Variants in PSG1 observed in about 807,000 individuals in gnomAD.
PSG1 encodes the protein pregnancy-specific beta-1-glycoprotein 1.
PSG1 carries 60 observed loss-of-function variants against 41.4 expected under a neutral mutation model. That is an observed-to-expected ratio of 1.45 (90% confidence interval 1.18 to 1.80). The LOEUF is 1.80. Ranked by LOEUF, PSG1 falls within the 40% of genes most tolerant of loss-of-function variation. The probability of loss-of-function intolerance (pLI) is 0.00; values close to 1 mark genes in which losing one functional copy is unlikely to be tolerated. For synonymous variants in PSG1, 256 were observed against 192.9 expected, an observed-to-expected ratio of 1.33 and a Z score of -2.71; for missense variants, 806 against 516.9, an observed-to-expected ratio of 1.56 and a Z score of -5.42.
intron 4 of PSG1, 51 bp downstream of exon 4, chr19:42,868,705 G>T (rs10413496): frequency 0.14 from 229,055 of 1,602,874 alleles, 26,473 homozygotes; most frequent in East Asian, 0.42. Context: ...GCATCTGGTG[G>T]TTTGGATTTA....
chr19:42,870,197 C>G (rs1349081273), intron 3 of PSG1: 1 of 151,764 alleles, frequency 6.6e-6, no homozygotes, highest in African/African-American at 2.4e-5. Flanking sequence ...TTGAGTATTT[C>G]TTATGCATAA....
chr19:42,878,727 C>G (rs1227872984), intron 1 of PSG1, among the ~76,000 whole-genome samples: 1 of 149,700 alleles, frequency 6.7e-6, no homozygotes, highest in African/African-American at 2.5e-5. Context: ...ACCTCACATT[C>G]TAGATCTCTT....
intron 3 of PSG1, 41 bp downstream of exon 3, chr19:42,871,726 G>C: frequency 1.2e-6 from 2 of 1,612,586 alleles, no homozygotes; most frequent in Non-Finnish European, 1.7e-6. Flanking sequence ...ACGTGTATTT[G>C]GGATGGCAGC....
intron 2 of PSG1, among the ~76,000 whole-genome samples, chr19:42,875,233 T>C (rs1237207375): frequency 3.3e-5 from 5 of 151,782 alleles, no homozygotes; most frequent in African/African-American, 1.2e-4. Flanking sequence ...TGGTTTAAAC[T>C]TGAAGCAAGA....
intron 3 of PSG1, among the ~76,000 whole-genome samples, chr19:42,871,288 G>T (rs1027191260): frequency 2.6e-5 from 4 of 151,704 alleles, no homozygotes; most frequent in Non-Finnish European, 5.9e-5. Context: ...AGTCTGTGAG[G>T]CAGGAGAGCT....
rs1439123858 is a variant in PSG1 at position 42,878,196 on chromosome 19, C to T, written c.147G>A (p.Lys49=). Reference sequence around the variant, plus strand: ...AATTGTGGACAAGTAGAAGAACATCCTTCCCCTCGGAAACTTTGGTTGGCT... The same window carrying T: ...AATTGTGGACAAGTAGAAGAACATCTTTCCCCTCGGAAACTTTGGTTGGCT... ...EAEPTKVSEG[K]DVLLLVHNLP... The change falls in exon 2 of 6, where the codon AAG becomes AAA. Residue 49 remains lysine (K), a synonymous_variant. Coordinates refer to ENST00000436291, the MANE Select transcript of PSG1 (RefSeq NM_001184825.2). The T allele has an allele frequency of 3.7e-6, 6 of 1,611,954 alleles. 1 individual carries two copies. The highest frequency in any genetic ancestry group is 5.1e-6 in the Non-Finnish European group (6 of 1,179,090).
chr19:42,872,553 C>G (rs1408233468), intron 2 of PSG1, among the ~76,000 whole-genome samples: 8 of 151,600 alleles, frequency 5.3e-5, no homozygotes, highest in Non-Finnish European at 8.8e-5. Context: ...ACTGGGTATT[C>G]TAGCATAAAA....
In PSG1 at chr19:42,868,220, G is replaced by T; in HGVS notation, c.1124C>A (p.Pro375Gln). The T allele has an allele frequency of 6.2e-7, 1 of 1,612,296 alleles. No individual in the cohort carries two copies. ...ATGGCGGATAAAGAGCTTTTGTCCTGGTAGCTGAAACTTTTCATTAATTGT... is the reference window on the plus strand; with the variant it reads ...ATGGCGGATAAAGAGCTTTTGTCCTTGTAGCTGAAACTTTTCATTAATTGT... ...SWTINEKFQL[P>Q]GQKLFIRHIT... Residue 375 changes from proline to glutamine, a missense_variant, in exon 5 of 6, where the codon CCA (proline) becomes CAA (glutamine). Coordinates refer to ENST00000436291, the MANE Select transcript of PSG1 (RefSeq NM_001184825.2).
chr19:42,867,769 A>T (rs776804447), intron 5 of PSG1: 6 of 984,304 alleles, frequency 6.1e-6, no homozygotes, highest in Non-Finnish European at 9.5e-6. Flanking sequence ...AAAAGAGAAA[A>T]ATTCCATCAA....
At chr19:42,870,480 G>A (rs778012029) in intron 3 of PSG1, 1 of 151,552 alleles carries the variant, frequency 6.6e-6, no homozygotes, top group Non-Finnish European at 1.5e-5. Flanking sequence ...TATTTTTGAA[G>A]GCCTTGGGAT....
At position 42,878,123 on chromosome 19, in the gene PSG1, C is replaced by T. The variant is rs1381300171; in HGVS notation, c.220G>A (p.Asp74Asn). ...TATGATGTAATGTAATGGTAGAGGT[C>T]CCTCATTTGCCCTTTGTACCAGATG... ...GYIWYKGQMR[D>N]LYHYITSYVV... The change falls in exon 2 of 6, where the codon GAC (aspartate) becomes AAC (asparagine). Residue 74 changes from aspartate to asparagine, a missense_variant. Physicochemically the swap from Asp to Asn is conservative, Grantham distance 23. Coordinates refer to ENST00000436291, the MANE Select transcript of PSG1 (RefSeq NM_001184825.2). 8 of 1,612,246 alleles carry T rather than the reference C, an allele frequency of 5.0e-6. No homozygotes were observed. Among genetic ancestry groups the T allele is most frequent in the East Asian group, 2.2e-5 (1 of 44,790 alleles).
rs765524222 is a variant in PSG1 at position 42,868,805 on chromosome 19, C to A, written c.939G>T (p.Arg313=). ...NETGPYQCEI[R]DRYGGIRSDP... is the part of the protein sequence containing the mutation. ...CACTGCGGATGCCACCATATCGGTC[C>A]CGTATTTCACATTGATAGGGTCCTG... Residue 313 remains arginine, a synonymous_variant, in exon 4 of 6, where the codon CGG becomes CGT. Coordinates refer to ENST00000436291, the MANE Select transcript of PSG1 (RefSeq NM_001184825.2). The A allele has an allele frequency of 3.7e-6, 6 of 1,611,848 alleles. No individual in the cohort carries two copies. In the South Asian group the frequency reaches 6.6e-5, roughly 18 times the overall value.
intron 3 of PSG1, chr19:42,869,787 C>G (rs1408438392): frequency 6.6e-6 from 1 of 151,888 alleles, no homozygotes; most frequent in African/African-American, 2.4e-5. Context: ...TAAGTTTCCT[C>G]TCCTTCTGCA....
At chr19:42,871,674 T>G in intron 3 of PSG1, 93 bp downstream of exon 3, 1 of 1,611,582 alleles carries the variant, frequency 6.2e-7, no homozygotes, top group Non-Finnish European at 8.5e-7. Flanking sequence ...TAAAGGTCTC[T>G]GTATTGGACC....
In PSG1 at chr19:42,879,636, C is replaced by A. The variant is rs951725408; in HGVS notation, c.-55G>T. On this transcript the variant is annotated 5_prime_UTR_variant, in exon 1 of 6. Coordinates refer to ENST00000436291, the MANE Select transcript of PSG1 (RefSeq NM_001184825.2). Reference sequence around the variant, plus strand: ...TGGAGATAAGCCTAGGATCCAGAAACTCTCTGAGCACGGCTGTCAGCTGTG... The same window carrying A: ...TGGAGATAAGCCTAGGATCCAGAAAATCTCTGAGCACGGCTGTCAGCTGTG... The A allele has an allele frequency of 3.8e-6, 6 of 1,596,892 alleles. No homozygotes were observed. The South Asian group carries it at 5.5e-5, about 15-fold the overall frequency.
intron 5 of PSG1, chr19:42,867,534 C>T (rs767588003): frequency 8.5e-5 from 52 of 610,300 alleles, no homozygotes; most frequent in African/African-American, 2.3e-4. Flanking sequence ...ATATAACATC[C>T]GAATCAAAGC....
rs151232941 is a variant in PSG1 at position 42,877,976 on chromosome 19, G to C, written c.367C>G (p.His123Asp). 6.2e-6 allele frequency: 10 copies of C among 1,612,328 alleles called. 1 individual carries two copies. The African/African-American group carries it at 1.1e-4, about 17-fold the overall frequency. ...TREDAGSYTL[H>D]IIKGDDGTRG... ...GTCCCATCATCTCCCTTTATGATGT[G>C]TAAGGTGTAGGATCCTGCGTCCTCC... Residue 123 changes from histidine (H) to aspartate (D), a missense_variant, in exon 2 of 6, where the codon CAC becomes GAC. By Grantham distance (81) the His-to-Asp change is moderately conservative. Transcript: ENST00000436291.
rs1002167421 is a variant in PSG1, at chr19:42,867,017, T to G, written c.*117A>C. Reference sequence around the variant, plus strand: ...GGCTCATGCTTCACGTACAAGGGTTTTCCCATGAAATTTACATTGAGTTGT... The same window carrying G: ...GGCTCATGCTTCACGTACAAGGGTTGTCCCATGAAATTTACATTGAGTTGT... On this transcript the variant is annotated 3_prime_UTR_variant, in exon 6 of 6. Coordinates refer to ENST00000436291, the MANE Select transcript of PSG1 (RefSeq NM_001184825.2). The G allele has an allele frequency of 1.3e-6, 1 of 766,486 alleles. No homozygotes were observed. Among genetic ancestry groups the G allele is most frequent in the African/African-American group, 1.7e-5 (1 of 58,938 alleles). 47.5% of individuals were successfully genotyped at this position (766,486 alleles called of 1,614,324 possible). A position where few individuals can be genotyped will look rare whatever the true frequency, so the allele number is the denominator to read the frequency against.
chr19:42,879,157 C>CTTTT (rs58030325), intron 1 of PSG1, among the ~76,000 whole-genome samples: 2 of 139,640 alleles, frequency 1.4e-5, no homozygotes, highest in East Asian at 2.1e-4. Context: ...TTTCTTTTTT[C>CTTTT]TTTTTTTTTT....
Sources: gnomAD v4.1 joint callset for allele counts (sites outside exome capture counted in the v4.1 genomes callset) on GRCh38, gnomAD v4.1.1 for gene constraint, MANE v1.5 for transcripts, NCBI Gene and HGNC (gene_info 2026-07-23, HGNC 2026-07-21) for gene names.